Variants in LOXL2 observed in about 807,000 individuals in gnomAD.
LOXL2 encodes the protein lysyl oxidase homolog 2.
LOXL2 carries 70 observed loss-of-function variants against 93.0 expected under a neutral mutation model. The ratio of observed to expected loss-of-function variants is 0.75; its 90% CI spans 0.62 to 0.92. LOXL2 has a LOEUF of 0.92. LOXL2 is among the 40% of genes least tolerant of loss of function. The pLI, the probability that LOXL2 is intolerant of heterozygous loss-of-function variation, is 0.00. For missense variants in LOXL2, 973 were observed against 1,054.9 expected (o/e 0.92, Z 1.08); for synonymous variants, 438 against 413.2 (o/e 1.06, Z -0.73).
chr8:23,345,427 G>A (rs1803954636), intron 3 of LOXL2, among the ~76,000 whole-genome samples: 1 of 152,228 alleles, frequency 6.6e-6, no homozygotes, highest in South Asian at 2.1e-4. Flanking sequence ...ATGTCGAGGG[G>A]CAGTGAGTCA....
chr8:23,357,076 T>C (rs78575657), intron 3 of LOXL2, among the ~76,000 whole-genome samples: 2 of 148,084 alleles, frequency 1.4e-5, no homozygotes, highest in African/African-American at 2.6e-5. Flanking sequence ...CAGTCTTCTT[T>C]TTTTTTTTTT....
intron 5 of LOXL2, among the ~76,000 whole-genome samples, chr8:23,330,627 G>C (rs1803660101): frequency 6.6e-6 from 1 of 152,144 alleles, no homozygotes; most frequent in Admixed American, 6.6e-5. Context: ...CGCTCGCTCT[G>C]TTTTAATTGG....
chr8:23,369,228 G>A (rs894522126), intron 1 of LOXL2, among the ~76,000 whole-genome samples: 1 of 152,212 alleles, frequency 6.6e-6, no homozygotes, highest in Admixed American at 6.5e-5. Flanking sequence ...TGCTAAATGA[G>A]TTTTAAAATC....
intron 2 of LOXL2, among the ~76,000 whole-genome samples, chr8:23,361,856 AAAC>A (rs1804296586): frequency 2.0e-5 from 2 of 100,622 alleles, no homozygotes; most frequent in Non-Finnish European, 4.2e-5. Context: ...AAACAAAACA[AAAC>A]AAAACAAACA....
rs539681799 is a variant in LOXL2, at chr8:23,296,918, G to A, written c.*1125C>T. ...CTGACAAGTTTCAGTAAAAACCACA[G>A]GAGTTCAAGAAAGATTATGACTCCT... On this transcript the variant is annotated 3_prime_UTR_variant, in exon 14 of 14. Transcript: ENST00000389131. Among the ~76,000 whole-genome samples the A allele has an allele frequency of 3.2e-4, 48 of 152,336 alleles. No homozygotes were observed. The highest frequency in any genetic ancestry group is 6.8e-3 in the Middle Eastern group (2 of 294).
chr8:23,354,000 G>A (rs1172705683), intron 3 of LOXL2, among the ~76,000 whole-genome samples: 1 of 152,066 alleles, frequency 6.6e-6, no homozygotes, highest in African/African-American at 2.4e-5. Flanking sequence ...ACTATCAGGA[G>A]CCCCCAAGGA....
intron 3 of LOXL2, among the ~76,000 whole-genome samples, chr8:23,355,586 C>A (rs1804184199): frequency 7.0e-6 from 1 of 143,462 alleles, no homozygotes; most frequent in Admixed American, 7.2e-5. Flanking sequence ...TTTAGTCAAC[C>A]ACTGCCGCTT....
chr8:23,333,840 C>CA (rs1803746553), intron 4 of LOXL2, among the ~76,000 whole-genome samples: 2 of 152,198 alleles, frequency 1.3e-5, no homozygotes, highest in Non-Finnish European at 2.9e-5. Context: ...AGAGGGTGGA[C>CA]AAGGCCTCCT....
intron 1 of LOXL2, among the ~76,000 whole-genome samples, chr8:23,371,576 C>T (rs549719022): frequency 6.6e-6 from 1 of 151,576 alleles, no homozygotes; most frequent in African/African-American, 2.4e-5. Context: ...CACGGTGAAA[C>T]CCCGTCTCTA....
At chr8:23,347,158 AACACACACAAACACACAC>A (rs1200061295) in intron 3 of LOXL2, among the ~76,000 whole-genome samples, 4 of 94,668 alleles carry the variant, frequency 4.2e-5, no homozygotes, top group South Asian at 3.6e-4. Context: ...ATCTCTACTA[AACACACACAAACACACAC>A]ACACACACAC....
intron 11 of LOXL2, among the ~76,000 whole-genome samples, chr8:23,302,854 G>C (rs763765470): frequency 1.3e-5 from 2 of 152,136 alleles, no homozygotes; most frequent in African/African-American, 2.4e-5. Flanking sequence ...CGGGACGGGG[G>C]GGCGCTTCAG....
At chr8:23,316,845 C>G in intron 9 of LOXL2, 104 bp downstream of exon 9, 1 of 1,168,320 alleles carries the variant, frequency 8.6e-7, no homozygotes, top group Admixed American at 3.1e-5. Context: ...CTACCTTCCT[C>G]TATTGCTTGG....
In LOXL2 at chr8:23,298,937, T is replaced by A. The variant is rs1201792000; in HGVS notation, c.2144A>T (p.Asn715Ile). Reference protein sequence around the residue: ...PGDYLFQVVINPNFEVAESDY... With the variant: ...PGDYLFQVVIIPNFEVAESDY... ...GGATTCTGCAACCTCGAAGTTGGGG[T>A]TAATAACAACCTAGGGAGAAGCAGG... The change falls in exon 13 of 14, where the codon AAC becomes ATC. Residue 715 changes from asparagine to isoleucine, a missense_variant. By Grantham distance (149) the Asn-to-Ile change is moderately radical. Coordinates refer to ENST00000389131, the MANE Select transcript of LOXL2 (RefSeq NM_002318.3). The A allele has an allele frequency of 6.2e-7, 1 of 1,606,890 alleles. No individual in the cohort carries two copies. Among genetic ancestry groups the A allele is most frequent in the Non-Finnish European group, 8.5e-7 (1 of 1,173,852 alleles).
intron 13 of LOXL2, 87 bp from the exon 14 acceptor site, chr8:23,298,209 G>A: frequency 3.3e-6 from 3 of 915,062 alleles, no homozygotes; most frequent in Non-Finnish European, 5.3e-6. Context: ...GGGCCTCAGG[G>A]GCTGCTGGGG....
rs1803180573 is a variant in LOXL2, at chr8:23,303,735, T to C, written c.1881-338A>G. ...GATAAGCACAGAACTCCAGCTATTG[T>C]TTTTAATAAGCGTGCAACTGGCTCT... On this transcript the variant is annotated intron_variant, in intron 10 of 13. Transcript: ENST00000389131. 2.0e-5 allele frequency among the ~76,000 whole-genome samples: 3 copies of C among 152,172 alleles called. No individual in the cohort carries two copies. The South Asian group carries it at 6.2e-4, about 32-fold the overall frequency.
At position 23,309,777 on chromosome 8, in the gene LOXL2, T is replaced by C. The variant is rs372265983; in HGVS notation, c.1771A>G (p.Thr591Ala). 1.2e-6 allele frequency: 2 copies of C among 1,604,180 alleles called. No individual in the cohort carries two copies. Among genetic ancestry groups the C allele is most frequent in the African/African-American group, 1.3e-5 (1 of 74,582 alleles). ...SASAAQTDPTTGYRRLLRFSS... is the reference protein window; with the variant it reads ...SASAAQTDPTAGYRRLLRFSS... ...AAGCGCAGGAGCCGGCGGTAGCCCG[T>C]GGTGGGGTCGGTCTGCGCGGCTGAG... The change falls in exon 10 of 14, where the codon ACG becomes GCG. Residue 591 changes from threonine (T) to alanine (A), a missense_variant. Coordinates refer to ENST00000389131, the MANE Select transcript of LOXL2 (RefSeq NM_002318.3).
At chr8:23,328,709 A>C in intron 5 of LOXL2, 144 bp from the exon 6 acceptor site, 2 of 458,992 alleles carry the variant, frequency 4.4e-6, no homozygotes. Context: ...TGATGTATGG[A>C]TGTGTGTGTG....
At chr8:23,381,462 A>C (rs1006936238) in intron 1 of LOXL2, among the ~76,000 whole-genome samples, 5 of 152,186 alleles carry the variant, frequency 3.3e-5, no homozygotes, top group Non-Finnish European at 5.9e-5. Flanking sequence ...GTTTCCCCCA[A>C]ACCTCAAAAA....
chr8:23,370,659 C>T (rs1372191607), intron 1 of LOXL2: 1 of 152,116 alleles, frequency 6.6e-6, no homozygotes, highest in Non-Finnish European at 1.5e-5. Flanking sequence ...CTCTGCTTTC[C>T]CCCGGAAGAT....
Sources: allele counts gnomAD v4.1 joint callset (sites outside exome capture counted in the v4.1 genomes callset), GRCh38; gene constraint gnomAD v4.1.1; transcripts MANE v1.5; gene names NCBI Gene and HGNC (gene_info 2026-07-23, HGNC 2026-07-21).